ATRNL1: variants seen among roughly 807,000 people sequenced by gnomAD.
ATRNL1 encodes attractin-like protein 1.
In ATRNL1, 95 loss-of-function variants were observed where a neutral mutation model predicts 182.7. The ratio of observed to expected loss-of-function variants is 0.52; its 90% CI spans 0.44 to 0.62. ATRNL1 has a LOEUF of 0.62. ATRNL1 is among the 20% of genes least tolerant of loss of function. ATRNL1 has a pLI of 0.00. For missense variants in ATRNL1, 1,471 were observed against 1,679.5 expected (o/e 0.88, Z 2.17); for synonymous variants, 576 against 568.3 (o/e 1.01, Z -0.19).
intron 26 of ATRNL1, among the ~76,000 whole-genome samples, chr10:115,644,871 T>C (rs1378032556): frequency 1.3e-5 from 2 of 152,166 alleles, no homozygotes; most frequent in South Asian, 2.1e-4. Flanking sequence ...ACATGCTTAA[T>C]TGGGGAAACT....
At chr10:115,738,115 A>G (rs1367711966) in intron 27 of ATRNL1, among the ~76,000 whole-genome samples, 2 of 91,056 alleles carry the variant, frequency 2.2e-5, no homozygotes, top group African/African-American at 6.7e-5. Flanking sequence ...AAAATGATTT[A>G]GAAGATAATG....
intron 19 of ATRNL1, among the ~76,000 whole-genome samples, chr10:115,344,100 C>A (rs1855870604): frequency 6.6e-6 from 1 of 152,136 alleles, no homozygotes; most frequent in Non-Finnish European, 1.5e-5. Context: ...AACATTGGAT[C>A]TTGCCTACAG....
At chr10:115,526,995 C>T (rs559021905) in intron 25 of ATRNL1, among the ~76,000 whole-genome samples, 1 of 152,068 alleles carries the variant, frequency 6.6e-6, no homozygotes, top group South Asian at 2.1e-4. Flanking sequence ...ATGTTTAGTC[C>T]TTGACTAAGG....
intron 26 of ATRNL1, among the ~76,000 whole-genome samples, chr10:115,655,689 T>A (rs1258338241): frequency 6.6e-6 from 1 of 152,166 alleles, no homozygotes; most frequent in African/African-American, 2.4e-5. Context: ...TTTCCATATA[T>A]TAATGAATAA....
intron 5 of ATRNL1, among the ~76,000 whole-genome samples, chr10:115,156,318 C>T (rs1846516710): frequency 6.6e-6 from 1 of 152,094 alleles, no homozygotes; most frequent in Non-Finnish European, 1.5e-5. Context: ...CCCTGAGCAA[C>T]TGGATGAATG....
At chr10:115,888,790 C>G (rs1295744193) in intron 28 of ATRNL1, among the ~76,000 whole-genome samples, 2 of 152,182 alleles carry the variant, frequency 1.3e-5, no homozygotes, top group Admixed American at 1.3e-4. Flanking sequence ...CCCCCTTCAT[C>G]TTATCAGGCC....
intron 18 of ATRNL1, among the ~76,000 whole-genome samples, chr10:115,333,142 A>G (rs1554935583): frequency 6.6e-6 from 1 of 152,236 alleles, no homozygotes. Context: ...GAGAGAGCTC[A>G]GTTAAATGCT....
intron 27 of ATRNL1, among the ~76,000 whole-genome samples, chr10:115,746,580 T>A (rs1948298122): frequency 6.6e-6 from 1 of 152,060 alleles, no homozygotes; most frequent in South Asian, 2.1e-4. Flanking sequence ...TTGGCCCCTA[T>A]TTTTTATTCA....
intron 28 of ATRNL1, among the ~76,000 whole-genome samples, chr10:115,854,986 G>A (rs782538182): frequency 7.9e-5 from 12 of 152,032 alleles, no homozygotes; most frequent in Non-Finnish European, 1.2e-4. Flanking sequence ...AGGTCCAGAC[G>A]TTTACTCTGG....
chr10:115,510,260 G>A (rs1850322770), intron 24 of ATRNL1, among the ~76,000 whole-genome samples: 2 of 152,056 alleles, frequency 1.3e-5, no homozygotes, highest in Admixed American at 1.3e-4. Flanking sequence ...GAAGCAGCTG[G>A]ATTTGAGGAT....
chr10:115,466,840 A>C (rs1848075052), intron 22 of ATRNL1, among the ~76,000 whole-genome samples: 2 of 151,208 alleles, frequency 1.3e-5, no homozygotes, highest in East Asian at 3.9e-4. Context: ...AGCAAAAAGA[A>C]TCAAAATACA....
chr10:115,555,682 C>G (rs1408243332), intron 26 of ATRNL1, among the ~76,000 whole-genome samples: 1 of 151,740 alleles, frequency 6.6e-6, no homozygotes, highest in African/African-American at 2.4e-5. Context: ...ATATTATTAA[C>G]TGGAAAATAT....
chr10:115,571,221 C>T (rs950049273), intron 26 of ATRNL1, among the ~76,000 whole-genome samples: 7 of 152,148 alleles, frequency 4.6e-5, no homozygotes, highest in Non-Finnish European at 1.0e-4. Context: ...TCACCTGCAC[C>T]TGTATTATAT....
intron 28 of ATRNL1, among the ~76,000 whole-genome samples, chr10:115,865,144 G>T (rs1283524830): frequency 6.6e-6 from 1 of 152,088 alleles, no homozygotes; most frequent in Non-Finnish European, 1.5e-5. Context: ...ATAAAATCCT[G>T]CATTAAATCC....
chr10:115,829,376 G>T lies in ATRNL1; in HGVS notation c.3904-18501G>T, dbSNP rs1431857836. Among the ~76,000 whole-genome samples, 5 of 152,110 alleles carry T rather than the reference G, an allele frequency of 3.3e-5. No homozygotes were observed. The South Asian group carries it at 1.0e-3, about 31-fold the overall frequency. ...AAGAGAGCAAAGAGATTTTAAGCGG[G>T]TAAGACACATAGGTAGATAAAAACA... On this transcript the variant is annotated intron_variant, in intron 27 of 28. Coordinates refer to ENST00000355044, the MANE Select transcript of ATRNL1 (RefSeq NM_207303.4).
chr10:115,558,387 A>G (rs1301848681), intron 26 of ATRNL1, among the ~76,000 whole-genome samples: 1 of 152,154 alleles, frequency 6.6e-6, no homozygotes, highest in African/African-American at 2.4e-5. Flanking sequence ...CTTATCTGGA[A>G]GAAGGTTTTG....
At chr10:115,424,448 T>C (rs1255947387) in intron 20 of ATRNL1, among the ~76,000 whole-genome samples, 4 of 152,176 alleles carry the variant, frequency 2.6e-5, no homozygotes, top group African/African-American at 7.2e-5. Context: ...TCCGAAGGAA[T>C]TGAAATTCGT....
At position 115,741,375 on chromosome 10, in the gene ATRNL1, T is replaced by C. The variant is rs371069205; in HGVS notation, c.3903+14020T>C. On this transcript the variant is annotated intron_variant, in intron 27 of 28. Coordinates refer to ENST00000355044, the MANE Select transcript of ATRNL1 (RefSeq NM_207303.4). ...GGAGACAGGTAAGAAGCATGCCAAG[T>C]TGAGAGAGCAAGGTGAGCGAGGGAC... Among the ~76,000 whole-genome samples, 179 of 151,894 alleles carry C rather than the reference T, an allele frequency of 1.2e-3. 1 individual carries two copies. The highest frequency in any genetic ancestry group is 4.1e-3 in the African/African-American group (170 of 41,414).
intron 28 of ATRNL1, among the ~76,000 whole-genome samples, chr10:115,939,096 G>T (rs1281230145): frequency 1.3e-5 from 2 of 152,198 alleles, no homozygotes; most frequent in African/African-American, 4.8e-5. Context: ...GTATACATAG[G>T]TCAAAACACC....
Sources: allele counts gnomAD v4.1 joint callset (sites outside exome capture counted in the v4.1 genomes callset), GRCh38; gene constraint gnomAD v4.1.1; transcripts MANE v1.5; gene names NCBI Gene and HGNC (gene_info 2026-07-23, HGNC 2026-07-21).